Variants in HGSNAT observed in about 807,000 individuals in gnomAD.
HGSNAT encodes transmembrane protein 76.
In HGSNAT, 59 loss-of-function variants were observed where a neutral mutation model predicts 85.2. The ratio of observed to expected loss-of-function variants is 0.69; its 90% CI spans 0.56 to 0.86. The LOEUF is 0.86. HGSNAT is among the 40% of genes least tolerant of loss of function. HGSNAT has a pLI of 0.00. For synonymous variants in HGSNAT, 321 were observed against 304.5 expected (o/e 1.05, Z -0.56); for missense variants, 756 against 777.1 (o/e 0.97, Z 0.32).
intron 10 of HGSNAT, among the ~76,000 whole-genome samples, chr8:43,181,453 C>G (rs369308475): frequency 6.6e-6 from 1 of 151,934 alleles, no homozygotes. Flanking sequence ...TTGCAACTGT[C>G]GTTAGCAGAA....
rs557575847 is a variant in HGSNAT at position 43,149,370 on chromosome 8, C to T, written c.234+2307C>T. On this transcript the variant is annotated intron_variant, in intron 2 of 17. Transcript: ENST00000379644. ...AGAGACTGATAAAATTATGTCTAGA[C>T]ATAAACTTTTAAATTTTGAAATTTA... Among the ~76,000 whole-genome samples the T allele has an allele frequency of 3.6e-3, 547 of 151,900 alleles. 2 individuals are homozygous for T. The highest frequency in any genetic ancestry group is 0.013 in the African/African-American group (521 of 41,312).
intron 5 of HGSNAT, among the ~76,000 whole-genome samples, chr8:43,164,597 T>C (rs910748876): frequency 6.6e-6 from 1 of 152,064 alleles, no homozygotes; most frequent in African/African-American, 2.4e-5. Context: ...CTGGCCAACA[T>C]GGTGAAACCC....
At chr8:43,192,156 G>C in intron 12 of HGSNAT, 148 bp from the exon 13 acceptor site, 1 of 778,254 alleles carries the variant, frequency 1.3e-6, no homozygotes, top group Non-Finnish European at 1.9e-6. Context: ...TCAAATTCCT[G>C]ACCTCAGGTG....
Position 43,170,569 on chromosome 8 carries a change from C to T in HGSNAT, c.634-16C>T, listed in dbSNP as rs201193888. On this transcript the variant is annotated splice_polypyrimidine_tract_variant and intron_variant, in intron 6 of 17. Coordinates refer to ENST00000379644, the MANE Select transcript of HGSNAT (RefSeq NM_152419.3). Reference sequence around the variant, plus strand: ...TAGCATTATGAGTTGTCATCTTTCTCCCTTTTTTTCTGAAGGAGCTGGGAT... The same window carrying T: ...TAGCATTATGAGTTGTCATCTTTCTTCCTTTTTTTCTGAAGGAGCTGGGAT... The T allele has an allele frequency of 8.3e-6, 13 of 1,566,514 alleles. No individual in the cohort carries two copies. Among genetic ancestry groups the T allele is most frequent in the Non-Finnish European group, 1.1e-5 (13 of 1,146,748 alleles).
intron 5 of HGSNAT, among the ~76,000 whole-genome samples, chr8:43,168,790 G>A (rs1168662447): frequency 6.6e-6 from 1 of 152,156 alleles, no homozygotes; most frequent in Non-Finnish European, 1.5e-5. Context: ...TCACACAGCT[G>A]TCATATTCTG....
intron 14 of HGSNAT, chr8:43,196,274 ATTATTT>A (rs1419390152): frequency 3.1e-5 from 11 of 358,228 alleles, no homozygotes; most frequent in Non-Finnish European, 5.5e-5. Flanking sequence ...ATTACTATAA[ATTATTT>A]TTAAAGCTTC....
chr8:43,202,416 C>T lies in HGSNAT; in HGVS notation c.*2847C>T, dbSNP rs1804945508. 1 of 152,274 alleles carries T rather than the reference C, an allele frequency of 6.6e-6. No individual in the cohort carries two copies. Among genetic ancestry groups the T allele is most frequent in the Non-Finnish European group, 1.5e-5 (1 of 68,136 alleles). 9.4% of individuals were successfully genotyped at this position (152,274 alleles called of 1,614,324 possible). On this transcript the variant is annotated 3_prime_UTR_variant, in exon 18 of 18. Transcript: ENST00000379644. ...CGACCCCCAGCACAAGATTGGTTTC[C>T]TTTGGGAAGGGAAGAGGGAGTGTGT...
At chr8:43,146,602 A>G (rs1802719844) in intron 1 of HGSNAT, among the ~76,000 whole-genome samples, 3 of 152,222 alleles carry the variant, frequency 2.0e-5, no homozygotes, top group South Asian at 2.1e-4. Context: ...TACTAAATTC[A>G]GTACATGTCA....
At position 43,140,633 on chromosome 8, in the gene HGSNAT, C is replaced by T. The variant is rs2130648886; in HGVS notation, c.118+19C>T. The T allele has an allele frequency of 8.6e-7, 1 of 1,163,326 alleles. No individual in the cohort carries two copies. The highest frequency in any genetic ancestry group is 1.1e-6 in the Non-Finnish European group (1 of 918,632). 72.1% of individuals were successfully genotyped at this position (1,163,326 alleles called of 1,614,324 possible). On this transcript the variant is annotated intron_variant, in intron 1 of 17. Transcript: ENST00000379644. ...CCACGAGGTGAGTGCACACCTCCTACCGCCGCCCGGCCGGCTACGAGCGCA... is the reference window on the plus strand; with the variant it reads ...CCACGAGGTGAGTGCACACCTCCTATCGCCGCCCGGCCGGCTACGAGCGCA...
intron 11 of HGSNAT, among the ~76,000 whole-genome samples, chr8:43,189,978 T>G (rs1804471123): frequency 6.6e-6 from 1 of 152,228 alleles, no homozygotes; most frequent in African/African-American, 2.4e-5. Context: ...TTGCGATTTT[T>G]TCAATTTCCT....
At chr8:43,183,279 A>G (rs12549718) in intron 11 of HGSNAT, among the ~76,000 whole-genome samples, 133,049 of 152,018 alleles carry the variant, frequency 0.88, 59,000 homozygotes, top group Non-Finnish European at 0.96. Flanking sequence ...CGATTCTCCT[A>G]CCTCAGCCTC....
Position 43,192,445 on chromosome 8 carries a change from A to G in HGSNAT, c.1377+15A>G, listed in dbSNP as rs1336237001. 6.2e-7 allele frequency: 1 copy of G among 1,600,556 alleles called. No homozygotes were observed. ...CATCTTCTGCTGTGAGTGAGACTCGAGTTCGCTTAGAACTGGAACTCAGGC... is the reference window on the plus strand; with the variant it reads ...CATCTTCTGCTGTGAGTGAGACTCGGGTTCGCTTAGAACTGGAACTCAGGC... On this transcript the variant is annotated intron_variant, in intron 13 of 17. Coordinates refer to ENST00000379644, the MANE Select transcript of HGSNAT (RefSeq NM_152419.3).
intron 11 of HGSNAT, among the ~76,000 whole-genome samples, chr8:43,183,287 C>T (rs1804195585): frequency 6.6e-6 from 1 of 152,072 alleles, no homozygotes; most frequent in South Asian, 2.1e-4. Flanking sequence ...CTACCTCAGC[C>T]TCCTGAGTAG....
intron 2 of HGSNAT, among the ~76,000 whole-genome samples, chr8:43,150,571 C>T (rs1229570004): frequency 1.3e-5 from 2 of 152,082 alleles, no homozygotes; most frequent in Non-Finnish European, 2.9e-5. Flanking sequence ...CGGTGGCTCA[C>T]ACCTGTAATC....
At chr8:43,186,001 G>A (rs1368864891) in intron 11 of HGSNAT, among the ~76,000 whole-genome samples, 2 of 152,194 alleles carry the variant, frequency 1.3e-5, no homozygotes, top group Admixed American at 1.3e-4. Context: ...CTTGATCATG[G>A]TGGATAAGCT....
intron 1 of HGSNAT, 39 bp from the exon 2 acceptor site, chr8:43,146,909 C>CTTTT: frequency 1.9e-6 from 2 of 1,035,180 alleles, no homozygotes; most frequent in Non-Finnish European, 2.8e-6. Context: ...TTTCGGGTGC[C>CTTTT]TTTTTTTTTT....
chr8:43,165,029 T>C (rs1404955811), intron 5 of HGSNAT, among the ~76,000 whole-genome samples: 1 of 146,742 alleles, frequency 6.8e-6, no homozygotes, highest in Non-Finnish European at 1.5e-5. Context: ...ACTAGAGGCA[T>C]GTGCCACCAT....
Position 43,173,941 on chromosome 8 carries a change from C to T in HGSNAT, c.851+198C>T, listed in dbSNP as rs980351056. Reference sequence around the variant, plus strand: ...TATAAAAGAGTGATTTGGGGCCGGGCGCGGTGGCTCACGCCTGTAATCCTA... The same window carrying T: ...TATAAAAGAGTGATTTGGGGCCGGGTGCGGTGGCTCACGCCTGTAATCCTA... On this transcript the variant is annotated intron_variant, in intron 9 of 17. Coordinates refer to ENST00000379644, the MANE Select transcript of HGSNAT (RefSeq NM_152419.3). The T allele has an allele frequency of 1.4e-5, 7 of 500,864 alleles. No homozygotes were observed. In the East Asian group the frequency reaches 1.5e-4, roughly 11 times the overall value. 31.0% of individuals were successfully genotyped at this position (500,864 alleles called of 1,614,324 possible).
At chr8:43,190,747 G>C (rs551126087) in intron 11 of HGSNAT, among the ~76,000 whole-genome samples, 49 of 152,182 alleles carry the variant, frequency 3.2e-4, no homozygotes, top group African/African-American at 1.1e-3. Flanking sequence ...TAAATCACAG[G>C]TATATTGATG....
Sources: allele counts gnomAD v4.1 joint callset (sites outside exome capture counted in the v4.1 genomes callset), GRCh38; gene constraint gnomAD v4.1.1; transcripts MANE v1.5; gene names NCBI Gene and HGNC (gene_info 2026-07-23, HGNC 2026-07-21).